CD5L: variants seen among roughly 807,000 people sequenced by gnomAD.
The protein encoded by CD5L is CD5 molecule like, also known as CD5 antigen-like.
A neutral mutation model predicts 40.8 loss-of-function variants in CD5L; 39 were observed. The observed-to-expected ratio is 0.96, with a 90% CI of 0.74 to 1.25. The LOEUF is 1.25. Among genes scored for constraint, CD5L ranks in the 50% most tolerant of loss-of-function variants. The pLI is 0.00. For missense variants in CD5L, 433 were observed against 435.9 expected, an observed-to-expected ratio of 0.99 and a Z score of 0.06; for synonymous variants, 192 against 169.6, an observed-to-expected ratio of 1.13 and a Z score of -1.03.
intron 2 of CD5L, among the ~76,000 whole-genome samples, chr1:157,836,798 G>A (rs1656229298): frequency 6.6e-6 from 1 of 152,166 alleles, no homozygotes; most frequent in African/African-American, 2.4e-5. Context: ...CATCTCAGGA[G>A]AAATACAGAG....
At chr1:157,836,837 A>C (rs1207460375) in intron 2 of CD5L, among the ~76,000 whole-genome samples, 4 of 152,230 alleles carry the variant, frequency 2.6e-5, no homozygotes, top group African/African-American at 9.6e-5. Flanking sequence ...TCAGAGTCTC[A>C]GAGCCCCAAG....
downstream of CD5L, among the ~76,000 whole-genome samples, chr1:157,829,654 T>C (rs1407203133): frequency 6.6e-6 from 1 of 152,228 alleles, no homozygotes; most frequent in East Asian, 1.9e-4. Context: ...TCATTAGTAA[T>C]AACTGGGTTT....
At chr1:157,839,439 G>T (rs753264330) in intron 1 of CD5L, 29 bp from the exon 2 acceptor site, 13 of 1,609,734 alleles carry the variant, frequency 8.1e-6, no homozygotes, top group Admixed American at 5.1e-5. Flanking sequence ...AATGAGTGAG[G>T]TCAATTTCCA....
chr1:157,836,611 G>A (rs965587845), intron 2 of CD5L, among the ~76,000 whole-genome samples: 23 of 152,198 alleles, frequency 1.5e-4, no homozygotes, highest in African/African-American at 5.5e-4. Context: ...GAACAGAGGT[G>A]TAAAGAGAAT....
At chr1:157,839,288 G>T in intron 2 of CD5L, 96 bp downstream of exon 2, 1 of 1,232,546 alleles carries the variant, frequency 8.1e-7, no homozygotes, top group Non-Finnish European at 1.2e-6. Context: ...TGCTGGGCCT[G>T]TTTTGAACAA....
At chr1:157,829,679 AT>A (rs199720327), downstream of CD5L, among the ~76,000 whole-genome samples, 1,576 of 152,362 alleles carry the variant, frequency 0.01, 30 homozygotes, top group African/African-American at 0.035. Flanking sequence ...ACTCAGCCTT[AT>A]AAAAAATTAG....
At chr1:157,829,409 C>T (rs987838729), downstream of CD5L, among the ~76,000 whole-genome samples, 7 of 152,200 alleles carry the variant, frequency 4.6e-5, 1 homozygote, top group Admixed American at 4.6e-4. Context: ...TTCTGATTTG[C>T]CTATCTTCTA....
chr1:157,833,356 G>A lies in CD5L; in HGVS notation c.875C>T (p.Ser292Phe), dbSNP rs1460862278. 31 of 1,614,214 alleles carry A rather than the reference G, an allele frequency of 1.9e-5. No homozygotes were observed. Among genetic ancestry groups the A allele is most frequent in the Non-Finnish European group, 2.5e-5 (30 of 1,180,038 alleles). The change falls in exon 5 of 6, where the codon TCT becomes TTT. Residue 292 changes from serine (S) to phenylalanine (F), a missense_variant. Transcript: ENST00000368174. ...GCATTTCCGGTCTCTGAAGGAGGGA[G>A]AGAGGGACTTCCCACAGCCCAGTTG... ...CKQLGCGKSL[S>F]PSFRDRKCYG...
chr1:157,827,948 C>A (rs1180425420), downstream of CD5L, among the ~76,000 whole-genome samples: 1 of 152,162 alleles, frequency 6.6e-6, no homozygotes, highest in Non-Finnish European at 1.5e-5. Context: ...ATTATCATTG[C>A]AATTTTATTA....
chr1:157,841,514 G>C (rs571360010), intron 1 of CD5L, among the ~76,000 whole-genome samples, 160 bp downstream of exon 1: 1 of 152,160 alleles, frequency 6.6e-6, no homozygotes, highest in African/African-American at 2.4e-5. Flanking sequence ...TGGATTAAGC[G>C]GCTTTTTAAG....
chr1:157,834,490 T>G lies in CD5L; in HGVS notation c.635A>C (p.Glu212Ala). ...WLSQMSCSGR[E>A]ATLQDCPSGP... ...AGAAGGGCAATCCTGAAGGGTTGCT[T>G]CTCGTCCTGAGCATGACATCTGGCT... Residue 212 changes from glutamate (E) to alanine (A), a missense_variant, in exon 4 of 6, where the codon GAA becomes GCA. Glu to Ala is a moderately radical substitution (Grantham distance 107, BLOSUM62 -1). Coordinates refer to ENST00000368174, the MANE Select transcript of CD5L (RefSeq NM_005894.3). The G allele has an allele frequency of 6.2e-7, 1 of 1,614,206 alleles. No homozygotes were observed. The highest frequency in any genetic ancestry group is 8.5e-7 in the Non-Finnish European group (1 of 1,180,036).
At chr1:157,828,830 G>A (rs1214717540), downstream of CD5L, among the ~76,000 whole-genome samples, 1 of 152,132 alleles carries the variant, frequency 6.6e-6, no homozygotes, top group Admixed American at 6.5e-5. Context: ...CTCTGTTCTT[G>A]GATCTCCTCT....
chr1:157,833,311 C>A lies in CD5L; in HGVS notation c.920G>T (p.Arg307Leu). The A allele has an allele frequency of 6.2e-7, 1 of 1,614,128 alleles. No homozygotes were observed. Among genetic ancestry groups the A allele is most frequent in the South Asian group, 1.1e-5 (1 of 91,070 alleles). The change falls in exon 5 of 6, where the codon CGC becomes CTC. Residue 307 changes from arginine to leucine, a missense_variant. Arg to Leu is a moderately radical substitution (Grantham distance 102, BLOSUM62 -2). Transcript: ENST00000368174. ...DRKCYGPGVG[R>L]IWLDNVRCSG... ...GCAACGAACATTATCCAGCCAGATGCGGCCAACCCCAGGGCCATAGCATTT... is the reference window on the plus strand; with the variant it reads ...GCAACGAACATTATCCAGCCAGATGAGGCCAACCCCAGGGCCATAGCATTT...
rs188729290 is a variant in CD5L, at chr1:157,838,328, C to A, written c.55+1056G>T. Among the ~76,000 whole-genome samples the A allele has an allele frequency of 8.1e-4, 124 of 152,162 alleles. No homozygotes were observed. In the East Asian group the frequency reaches 0.013, roughly 16 times the overall value. On this transcript the variant is annotated intron_variant, in intron 2 of 5. Transcript: ENST00000368174. ...AAAAATATAATGTAAGAGCAGTTATCCAGAAACGTTTTTATCTTCATGAGT... is the reference window on the plus strand; with the variant it reads ...AAAAATATAATGTAAGAGCAGTTATACAGAAACGTTTTTATCTTCATGAGT...
In CD5L at chr1:157,836,071, G is replaced by A. The variant is rs267598093; in HGVS notation, c.140C>T (p.Thr47Ile). The change falls in exon 3 of 6, where the codon ACC becomes ATC. Residue 47 changes from threonine (T) to isoleucine (I), a missense_variant. Physicochemically the swap from Thr to Ile is moderately conservative, Grantham distance 89. Transcript: ENST00000368174. ...VEVEQKGQWG[T>I]VCDDGWDIKD... Reference sequence around the variant, plus strand: ...AATGTCCCAGCCGTCATCACACACGGTGCCCCACTGGCCTTTCTGTTCCAC... The same window carrying A: ...AATGTCCCAGCCGTCATCACACACGATGCCCCACTGGCCTTTCTGTTCCAC... The A allele has an allele frequency of 6.2e-7, 1 of 1,613,932 alleles. No homozygotes were observed. Among genetic ancestry groups the A allele is most frequent in the African/African-American group, 1.3e-5 (1 of 74,890 alleles).
At chr1:157,840,326 C>A (rs528160276) in intron 1 of CD5L, among the ~76,000 whole-genome samples, 1 of 152,200 alleles carries the variant, frequency 6.6e-6, no homozygotes, top group South Asian at 2.1e-4. Flanking sequence ...GTCCTGGGCC[C>A]TGTAACCTCC....
chr1:157,839,436 G>A (rs1379780079), intron 1 of CD5L, 26 bp from the exon 2 acceptor site: 1 of 1,611,214 alleles, frequency 6.2e-7, no homozygotes, highest in Admixed American at 1.7e-5. Flanking sequence ...GGAAATGAGT[G>A]AGGTCAATTT....
intron 3 of CD5L, among the ~76,000 whole-genome samples, chr1:157,835,429 T>C (rs1656179119): frequency 6.6e-6 from 1 of 152,244 alleles, no homozygotes; most frequent in Non-Finnish European, 1.5e-5. Flanking sequence ...TCTACCTGAT[T>C]AGAAGATAAA....
chr1:157,831,031 T>TTCTCTTATTTCTGTCTTGCC lies in CD5L; in HGVS notation c.*913_*932dup, dbSNP rs1290808341. ...GTCAATTTTTACAATCAAGTCTTGA[T>TTCTCTTATTTCTGTCTTGCC]TCTCTTATTTCTGTCTTGCCTCAAG... On this transcript the variant is annotated 3_prime_UTR_variant, in exon 6 of 6. Transcript: ENST00000368174. 9 of 985,190 alleles carry TTCTCTTATTTCTGTCTTGCC rather than the reference T, an allele frequency of 9.1e-6. No homozygotes were observed. Among genetic ancestry groups the TTCTCTTATTTCTGTCTTGCC allele is most frequent in the Non-Finnish European group, 1.1e-5 (9 of 829,826 alleles). 61.0% of individuals were successfully genotyped at this position (985,190 alleles called of 1,614,324 possible).
Sources: allele counts gnomAD v4.1 joint callset (sites outside exome capture counted in the v4.1 genomes callset), GRCh38; gene constraint gnomAD v4.1.1; transcripts MANE v1.5; gene names NCBI Gene and HGNC (gene_info 2026-07-23, HGNC 2026-07-21).